ROBO1: variants seen among roughly 807,000 people sequenced by gnomAD.
The protein encoded by ROBO1 is roundabout guidance receptor 1.
A neutral mutation model predicts 195.9 loss-of-function variants in ROBO1; 149 were observed. That is an observed-to-expected ratio of 0.76 (90% CI 0.67 to 0.87). The LOEUF (loss-of-function observed/expected upper bound fraction) is 0.87. ROBO1 is among the 40% of genes least tolerant of loss of function. The pLI, the probability that ROBO1 is intolerant of heterozygous loss-of-function variation, is 0.00. For missense variants in ROBO1, 1,933 were observed against 2,068.3 expected (o/e 0.93, Z 1.27); for synonymous variants, 816 against 733.2 (o/e 1.11, Z -1.82).
Position 79,270,114 on chromosome 3 carries a change from T to A in ROBO1, c.89-144575A>T, listed in dbSNP as rs575507506. Reference sequence around the variant, plus strand: ...AGGTTAACAACCATCGACTAGGACATGAAAAGAAATGCATAAGTGTTGTCG... The same window carrying A: ...AGGTTAACAACCATCGACTAGGACAAGAAAAGAAATGCATAAGTGTTGTCG... On this transcript the variant is annotated intron_variant, in intron 2 of 30. Transcript: ENST00000464233. Among the ~76,000 whole-genome samples, 3 of 151,472 alleles carry A rather than the reference T, an allele frequency of 2.0e-5. No homozygotes were observed. The East Asian group carries it at 5.9e-4, about 30-fold the overall frequency.
chr3:79,691,589 A>G (rs1324702932), intron 1 of ROBO1, among the ~76,000 whole-genome samples: 1 of 151,814 alleles, frequency 6.6e-6, no homozygotes, highest in Non-Finnish European at 1.5e-5. Flanking sequence ...AAACCATAAA[A>G]TTAATTGACT....
intron 1 of ROBO1, among the ~76,000 whole-genome samples, chr3:79,651,475 A>G (rs950792074): frequency 4.6e-5 from 7 of 152,116 alleles, no homozygotes; most frequent in Non-Finnish European, 8.8e-5. Context: ...TTAAAGCCAA[A>G]ACATCCATAT....
rs368450339 is a variant in ROBO1, at chr3:79,061,110, T to C, written c.172+64346A>G. Reference sequence around the variant, plus strand: ...TTTATATTTAGAAAACCCCATCGTCTTGGCCCAAAATCTCCTTAAGCTGAT... The same window carrying C: ...TTTATATTTAGAAAACCCCATCGTCCTGGCCCAAAATCTCCTTAAGCTGAT... On this transcript the variant is annotated intron_variant, in intron 3 of 30. Transcript: ENST00000464233. 8.5e-5 allele frequency among the ~76,000 whole-genome samples: 13 copies of C among 152,248 alleles called. No homozygotes were observed. The South Asian group carries it at 2.7e-3, about 32-fold the overall frequency.
chr3:78,890,876 C>G (rs189939425), intron 4 of ROBO1, among the ~76,000 whole-genome samples: 4 of 152,236 alleles, frequency 2.6e-5, no homozygotes, highest in Non-Finnish European at 5.9e-5. Context: ...ATCCCCGTGC[C>G]TCAGCCTCCA....
intron 2 of ROBO1, among the ~76,000 whole-genome samples, chr3:79,254,247 C>T (rs1296852965): frequency 1.3e-5 from 2 of 152,044 alleles, no homozygotes; most frequent in Admixed American, 1.3e-4. Context: ...TAATTTTTAT[C>T]GATATATATG....
At chr3:78,714,123 C>T (rs889575366) in intron 8 of ROBO1, among the ~76,000 whole-genome samples, 2 of 152,110 alleles carry the variant, frequency 1.3e-5, no homozygotes, top group East Asian at 1.9e-4. Context: ...GCACATTCTT[C>T]GCCTCTACTT....
chr3:79,681,017 A>C (rs928930162), intron 1 of ROBO1, among the ~76,000 whole-genome samples: 3 of 152,002 alleles, frequency 2.0e-5, no homozygotes, highest in Admixed American at 6.6e-5. Flanking sequence ...GGAAAAAATG[A>C]GTTCAAGGAA....
chr3:79,048,563 T>A (rs746720411), intron 3 of ROBO1, among the ~76,000 whole-genome samples: 8 of 152,150 alleles, frequency 5.3e-5, no homozygotes, highest in Non-Finnish European at 1.2e-4. Flanking sequence ...TATAACCATG[T>A]GCTGACTGCC....
chr3:79,576,466 T>A (rs1208279051), intron 2 of ROBO1, among the ~76,000 whole-genome samples: 2 of 152,080 alleles, frequency 1.3e-5, no homozygotes, highest in African/African-American at 4.8e-5. Flanking sequence ...GACATTGTAT[T>A]AGATACTTTA....
intron 2 of ROBO1, among the ~76,000 whole-genome samples, chr3:79,494,801 G>GA (rs1423999124): frequency 6.6e-6 from 1 of 152,104 alleles, no homozygotes; most frequent in African/African-American, 2.4e-5. Context: ...TCCACAAGTT[G>GA]AAAAGAAACA....
intron 2 of ROBO1, among the ~76,000 whole-genome samples, chr3:79,529,720 T>G (rs573000831): frequency 6.6e-6 from 1 of 152,266 alleles, no homozygotes; most frequent in South Asian, 2.1e-4. Context: ...AATTTTCCAT[T>G]TAATATTCTC....
intron 28 of ROBO1, among the ~76,000 whole-genome samples, chr3:78,612,336 A>T (rs17016391): frequency 0.042 from 6,459 of 152,264 alleles, 431 homozygotes; most frequent in African/African-American, 0.14. Context: ...CATTTTAACA[A>T]TCGGTAGCTC....
intron 4 of ROBO1, among the ~76,000 whole-genome samples, chr3:78,816,138 T>A (rs2084895996): frequency 6.6e-6 from 1 of 152,176 alleles, no homozygotes; most frequent in Admixed American, 6.5e-5. Context: ...ATAATGCAGC[T>A]GGTGATTTTA....
chr3:79,284,627 G>T (rs561620244), intron 2 of ROBO1, among the ~76,000 whole-genome samples: 1 of 152,252 alleles, frequency 6.6e-6, no homozygotes, highest in African/African-American at 2.4e-5. Context: ...CTGAAAAGGA[G>T]CATTGAGAAA....
chr3:78,925,580 T>C (rs1301001089), intron 4 of ROBO1, among the ~76,000 whole-genome samples: 3 of 152,200 alleles, frequency 2.0e-5, no homozygotes, highest in Non-Finnish European at 4.4e-5. Context: ...CCTTTTTTCA[T>C]TGATGTTGGT....
Position 78,661,265 on chromosome 3 carries a change from T to G in ROBO1, c.2089-4A>C. The G allele has an allele frequency of 6.8e-7, 1 of 1,467,488 alleles. No individual in the cohort carries two copies. Among genetic ancestry groups the G allele is most frequent in the South Asian group, 1.4e-5 (1 of 72,674 alleles). 90.9% of individuals were successfully genotyped at this position (1,467,488 alleles called of 1,614,324 possible). On this transcript the variant is annotated splice_polypyrimidine_tract_variant and splice_region_variant and intron_variant, in intron 15 of 30. Coordinates refer to ENST00000464233, the MANE Select transcript of ROBO1 (RefSeq NM_002941.4). ...TATACTGAGACTGTTGATCTACCTA[T>G]TAAAAAGACAAGTAAAATGTAATTA...
At chr3:78,926,673 C>G (rs1054391661) in intron 4 of ROBO1, among the ~76,000 whole-genome samples, 6 of 152,054 alleles carry the variant, frequency 3.9e-5, no homozygotes, top group Non-Finnish European at 2.9e-5. Context: ...GATGAGAGAA[C>G]AGAGAGTGAA....
intron 4 of ROBO1, among the ~76,000 whole-genome samples, chr3:78,802,452 G>A (rs895891587): frequency 5.9e-5 from 9 of 152,052 alleles, no homozygotes; most frequent in Admixed American, 5.9e-4. Context: ...AGAAGACAAT[G>A]CAAAACTGAA....
chr3:78,790,215 A>C (rs559102987), intron 4 of ROBO1, among the ~76,000 whole-genome samples: 2 of 152,090 alleles, frequency 1.3e-5, no homozygotes, highest in Non-Finnish European at 2.9e-5. Flanking sequence ...CAGGTCTTAG[A>C]CCTCACTCCA....
Sources: gnomAD v4.1 joint callset for allele counts (sites outside exome capture counted in the v4.1 genomes callset) on GRCh38, gnomAD v4.1.1 for gene constraint, MANE v1.5 for transcripts, NCBI Gene and HGNC (gene_info 2026-07-23, HGNC 2026-07-21) for gene names.